MIER3: variants seen among roughly 807,000 people sequenced by gnomAD.
MIER3 encodes MIER family member 3.
In MIER3, 9 loss-of-function variants were observed where a neutral mutation model predicts 63.2. The observed-to-expected ratio is 0.14, with a 90% CI of 0.09 to 0.25. MIER3 has a LOEUF of 0.25. Ranked by LOEUF, MIER3 falls within the 10% of genes least tolerant of loss-of-function variation. The probability of loss-of-function intolerance (pLI) is 1.00; values close to 1 mark genes in which losing one functional copy is unlikely to be tolerated. For synonymous variants in MIER3, 205 were observed against 224.9 expected (o/e 0.91, Z 0.79); for missense variants, 512 against 666.2 (o/e 0.77, Z 2.55).
intron 2 of MIER3, among the ~76,000 whole-genome samples, chr5:56,950,278 G>A (rs1750972974): frequency 6.6e-6 from 1 of 152,180 alleles, no homozygotes; most frequent in Non-Finnish European, 1.5e-5. Context: ...TCAATCTCTA[G>A]AAGAAACCGA....
At chr5:56,940,966 T>G (rs1750625617) in intron 3 of MIER3, 2 of 985,226 alleles carry the variant, frequency 2.0e-6, no homozygotes. Flanking sequence ...AGTTTCACAC[T>G]CTCTCCCTGA....
chr5:56,923,106 AG>A lies in MIER3; in HGVS notation c.*21del, dbSNP rs1470528384. ...TCAAGTTTACTGGTGCTGCACACGC[AG>A]TTCCGGGATCCTCACTCAGGTCACT... is the stretch of plus-strand genomic sequence containing the variant. On this transcript the variant is annotated 3_prime_UTR_variant, in exon 13 of 13. Coordinates refer to ENST00000381199, the MANE Select transcript of MIER3 (RefSeq NM_001297599.2). The A allele has an allele frequency of 1.9e-6, 3 of 1,603,398 alleles. No homozygotes were observed. Among genetic ancestry groups the A allele is most frequent in the Non-Finnish European group, 2.6e-6 (3 of 1,171,490 alleles).
At chr5:56,947,659 CT>C (rs1750872103) in intron 2 of MIER3, among the ~76,000 whole-genome samples, 1 of 152,204 alleles carries the variant, frequency 6.6e-6, no homozygotes, top group Non-Finnish European at 1.5e-5. Flanking sequence ...TCTAACAGTA[CT>C]TCAAGTTCCC....
intron 10 of MIER3, among the ~76,000 whole-genome samples, chr5:56,925,964 T>G (rs1351755404): frequency 6.6e-6 from 1 of 152,040 alleles, no homozygotes; most frequent in African/African-American, 2.4e-5. Flanking sequence ...CAACTGATCT[T>G]TAACCAAAGA....
At chr5:56,949,388 T>C (rs1403942538) in intron 2 of MIER3, among the ~76,000 whole-genome samples, 1 of 152,174 alleles carries the variant, frequency 6.6e-6, no homozygotes, top group Non-Finnish European at 1.5e-5. Context: ...AAAAACAGGT[T>C]ACACTGTCTT....
chr5:56,937,944 T>A (rs181258211), intron 4 of MIER3, among the ~76,000 whole-genome samples: 10 of 151,904 alleles, frequency 6.6e-5, no homozygotes, highest in Non-Finnish European at 1.3e-4. Context: ...TTTGTGGGTA[T>A]GCAGAGAGCT....
chr5:56,948,379 T>C (rs2112153180), intron 2 of MIER3, among the ~76,000 whole-genome samples: 1 of 152,250 alleles, frequency 6.6e-6, no homozygotes, highest in South Asian at 2.1e-4. Context: ...TAAAAAGAAA[T>C]ATAGGCCGGG....
In MIER3 at chr5:56,952,086, C is replaced by G. The variant is rs1235512425; in HGVS notation, c.9+8G>C. On this transcript the variant is annotated splice_region_variant and intron_variant, in intron 1 of 12. Transcript: ENST00000381199. The stretch of plus-strand genomic sequence containing the variant: ...GCCCGGCTGCTCCTGCCCGGTTTCC[C>G]TGCTCACCTCCGCCATATTGGTACC... The G allele has an allele frequency of 7.7e-7, 1 of 1,304,078 alleles. No individual in the cohort carries two copies. The highest frequency in any genetic ancestry group is 9.9e-7 in the Non-Finnish European group (1 of 1,008,522). The allele number at this position is 1,304,078 out of a possible 1,614,324, so 80.8% of individuals were successfully genotyped here.
chr5:56,924,116 CACT>C (rs2112069831), intron 10 of MIER3, 74 bp from the exon 11 acceptor site: 8 of 1,430,710 alleles, frequency 5.6e-6, no homozygotes, highest in South Asian at 1.3e-5. Flanking sequence ...TTTTCCACAA[CACT>C]ACAACTTCAA....
intron 3 of MIER3, among the ~76,000 whole-genome samples, chr5:56,944,876 T>G (rs1168389726): frequency 6.6e-6 from 1 of 151,480 alleles, no homozygotes; most frequent in Non-Finnish European, 1.5e-5. Flanking sequence ...TAAATTTTTT[T>G]GGTAGAAACA....
In MIER3 at chr5:56,933,327, C is replaced by A; in HGVS notation, c.667G>T (p.Val223Phe). Residue 223 changes from valine (V) to phenylalanine (F), a missense_variant, in exon 8 of 13, where the codon GTT becomes TTT. Physicochemically the swap from Val to Phe is conservative, Grantham distance 50. Around this residue, in one of 5 missense-constraint regions of MIER3, gnomAD observed 118 missense variants for 133.6 expected, o/e 0.88. Transcript: ENST00000381199. ...VLESKVKEYL[V>F]ETSLRTGSEK... ...CTGCCAGTCCTTAATGAAGTCTCAA[C>A]AAGGTATTCCTTAACTTTGCTCTCC... 6.2e-7 allele frequency: 1 copy of A among 1,613,284 alleles called. No individual in the cohort carries two copies. The highest frequency in any genetic ancestry group is 1.1e-5 in the South Asian group (1 of 90,948).
At chr5:56,928,738 A>G in intron 10 of MIER3, 29 bp downstream of exon 10, 1 of 1,497,734 alleles carries the variant, frequency 6.7e-7, no homozygotes. Flanking sequence ...GTAACTAGTA[A>G]TTTATCTGTA....
intron 3 of MIER3, among the ~76,000 whole-genome samples, chr5:56,945,237 T>TG: frequency 6.6e-6 from 1 of 152,054 alleles, no homozygotes; most frequent in Admixed American, 6.5e-5. Flanking sequence ...CCGAGGCAGG[T>TG]GGACTGCCTG....
chr5:56,930,341 G>A (rs1750215713), intron 9 of MIER3, among the ~76,000 whole-genome samples: 2 of 149,564 alleles, frequency 1.3e-5, no homozygotes, highest in African/African-American at 2.5e-5. Context: ...AAAAAAAAAA[G>A]AAAAAATCTT....
At chr5:56,940,908 T>C in intron 3 of MIER3, 1 of 936,066 alleles carries the variant, frequency 1.1e-6, no homozygotes, top group Non-Finnish European at 1.3e-6. Context: ...GTGCCTGGGT[T>C]GCAGCCTTTG....
At chr5:56,942,438 A>G (rs1345531480) in intron 3 of MIER3, among the ~76,000 whole-genome samples, 3 of 152,244 alleles carry the variant, frequency 2.0e-5, no homozygotes, top group African/African-American at 4.8e-5. Flanking sequence ...CAAGGAATGA[A>G]AGCAACACAG....
chr5:56,945,304 A>T (rs1750790619), intron 3 of MIER3, among the ~76,000 whole-genome samples: 1 of 152,128 alleles, frequency 6.6e-6, no homozygotes, highest in South Asian at 2.1e-4. Flanking sequence ...CTCTACCAAA[A>T]ATACAAAAAG....
rs1579828467 is a variant in MIER3, at chr5:56,923,017, C to T, written c.*111G>A. On this transcript the variant is annotated 3_prime_UTR_variant, in exon 13 of 13. Transcript: ENST00000381199. The stretch of plus-strand genomic sequence containing the variant: ...TATAGTTCTATACATACTGACATCA[C>T]TGATGTCATAGTGAGAAAGGTTCAA... The T allele has an allele frequency of 2.6e-6, 2 of 766,846 alleles. No homozygotes were observed. Among genetic ancestry groups the T allele is most frequent in the South Asian group, 1.8e-5 (1 of 56,942 alleles). The allele number at this position is 766,846 out of a possible 1,614,324, so 47.5% of individuals were successfully genotyped here.
In MIER3 at chr5:56,924,034, A is replaced by G. The variant is rs146068485; in HGVS notation, c.933T>C (p.Thr311=). ...ATGCTACACACTCAGCAACTGTCCT[A>G]GTTCTCACCTAATGAAAAAGTTGAA... The part of the protein sequence containing the change: ...FHLIQKNKVR[T]RTVAECVAFY... Residue 311 remains threonine, a synonymous_variant, in exon 11 of 13, where the codon ACT becomes ACC. Transcript: ENST00000381199. 1.8e-4 allele frequency: 292 copies of G among 1,591,406 alleles called. 1 individual carries two copies. The African/African-American group carries it at 3.7e-3, about 20-fold the overall frequency.
Sources: allele counts gnomAD v4.1 joint callset (sites outside exome capture counted in the v4.1 genomes callset), GRCh38; gene constraint gnomAD v4.1.1; regional missense constraint gnomAD v4.1.1; transcripts MANE v1.5; gene names NCBI Gene and HGNC (gene_info 2026-07-23, HGNC 2026-07-21).